Variants in CSMD1 observed in about 807,000 individuals in gnomAD.
The protein encoded by CSMD1 is CUB and sushi domain-containing protein 1.
CSMD1 carries 213 observed loss-of-function variants against 417.5 expected under a neutral mutation model. The ratio of observed to expected loss-of-function variants is 0.51; its 90% CI spans 0.46 to 0.57. CSMD1 has a LOEUF of 0.57. Among genes scored for constraint, CSMD1 ranks in the 20% least tolerant of loss-of-function variants. The pLI is 0.00. For missense variants in CSMD1, 6,923 were observed against 4,529.7 expected, an observed-to-expected ratio of 1.53 and a Z score of -15.17; for synonymous variants, 2,862 against 1,736.8, an observed-to-expected ratio of 1.65 and a Z score of -16.11.
intron 5 of CSMD1, among the ~76,000 whole-genome samples, chr8:3,858,861 C>A (rs1325616202): frequency 5.3e-5 from 8 of 151,976 alleles, no homozygotes; most frequent in African/African-American, 1.9e-4. Context: ...GTAGAATGCT[C>A]CAGTAGGATC....
At chr8:3,096,732 G>C (rs1158549693) in intron 47 of CSMD1, 117 bp downstream of exon 47, 1 of 741,616 alleles carries the variant, frequency 1.3e-6, no homozygotes, top group Admixed American at 3.1e-5. Flanking sequence ...TGTTTGCTTT[G>C]GGAAAACATA....
chr8:3,832,907 A>T (rs980047297), intron 5 of CSMD1, among the ~76,000 whole-genome samples: 2 of 152,214 alleles, frequency 1.3e-5, no homozygotes, highest in Non-Finnish European at 2.9e-5. Flanking sequence ...TAAGCAACAC[A>T]AATAGGAGTA....
At chr8:4,424,453 G>C (rs1797429628) in intron 2 of CSMD1, among the ~76,000 whole-genome samples, 1 of 151,906 alleles carries the variant, frequency 6.6e-6, no homozygotes, top group Non-Finnish European at 1.5e-5. Context: ...TACATCAATA[G>C]ACATCAGAGG....
At chr8:3,317,799 T>G (rs766842833) in intron 23 of CSMD1, among the ~76,000 whole-genome samples, 2 of 152,232 alleles carry the variant, frequency 1.3e-5, no homozygotes, top group East Asian at 3.8e-4. Context: ...AAGTTGCTAC[T>G]GTATAAGTGA....
intron 4 of CSMD1, among the ~76,000 whole-genome samples, chr8:4,000,397 G>C (rs1037270916): frequency 2.0e-5 from 3 of 152,144 alleles, no homozygotes; most frequent in Non-Finnish European, 4.4e-5. Context: ...TTGTATTTTT[G>C]AACAGAGATA....
intron 10 of CSMD1, among the ~76,000 whole-genome samples, chr8:3,545,422 T>G (rs1798616420): frequency 6.6e-6 from 1 of 152,180 alleles, no homozygotes; most frequent in South Asian, 2.1e-4. Context: ...TGGTCCAAGG[T>G]GGCCATTTCT....
chr8:4,760,025 C>G (rs955592632), intron 1 of CSMD1, among the ~76,000 whole-genome samples: 1 of 152,164 alleles, frequency 6.6e-6, no homozygotes, highest in African/African-American at 2.4e-5. Context: ...TTACATTCCA[C>G]CAACAGTGTA....
chr8:4,342,221 G>GTGTGTGTGTCTGTGTC (rs1800519017), intron 3 of CSMD1, among the ~76,000 whole-genome samples: 1 of 12,340 alleles, frequency 8.1e-5, no homozygotes, highest in Non-Finnish European at 1.8e-4. Context: ...GTGTGTGTGT[G>GTGTGTGTGTCTGTGTC]TGTGTGTGTG....
chr8:3,410,511 C>T (rs980367141), intron 12 of CSMD1, among the ~76,000 whole-genome samples: 1 of 152,140 alleles, frequency 6.6e-6, no homozygotes, highest in East Asian at 1.9e-4. Context: ...TGATGGTTTT[C>T]TAAGGGGGAG....
chr8:4,631,514 G>A (rs1802515074), intron 2 of CSMD1, among the ~76,000 whole-genome samples: 1 of 151,132 alleles, frequency 6.6e-6, no homozygotes, highest in Admixed American at 6.6e-5. Context: ...AGTCTAATAT[G>A]ATCCTAATGT....
At chr8:4,006,647 A>G (rs1267473006) in intron 4 of CSMD1, among the ~76,000 whole-genome samples, 1 of 152,206 alleles carries the variant, frequency 6.6e-6, no homozygotes, top group Non-Finnish European at 1.5e-5. Flanking sequence ...GAGAGGGAAC[A>G]GCACTTGTTT....
intron 5 of CSMD1, among the ~76,000 whole-genome samples, chr8:3,934,920 G>T (rs1810380625): frequency 6.6e-6 from 1 of 152,094 alleles, no homozygotes; most frequent in African/African-American, 2.4e-5. Flanking sequence ...AACATTATAA[G>T]TACGGGAGTA....
At chr8:3,839,415 T>C (rs1487057639) in intron 5 of CSMD1, among the ~76,000 whole-genome samples, 1 of 53,206 alleles carries the variant, frequency 1.9e-5, no homozygotes, top group Non-Finnish European at 4.0e-5. Context: ...TAATAAAAAA[T>C]AAATATATAT....
At chr8:4,410,952 A>T (rs1412030045) in intron 3 of CSMD1, among the ~76,000 whole-genome samples, 1 of 152,176 alleles carries the variant, frequency 6.6e-6, no homozygotes, top group East Asian at 1.9e-4. Flanking sequence ...TAGTGGGACT[A>T]GGTTAGTTAT....
At chr8:4,597,290 T>G (rs549077160) in intron 2 of CSMD1, among the ~76,000 whole-genome samples, 1 of 152,142 alleles carries the variant, frequency 6.6e-6, no homozygotes, top group Non-Finnish European at 1.5e-5. Context: ...TAGATATCAA[T>G]GTATTAACTT....
At chr8:4,731,382 C>G (rs956760520) in intron 1 of CSMD1, among the ~76,000 whole-genome samples, 6 of 152,096 alleles carry the variant, frequency 3.9e-5, no homozygotes, top group African/African-American at 7.2e-5. Flanking sequence ...GTGACACATT[C>G]CCCCACCTGT....
intron 5 of CSMD1, among the ~76,000 whole-genome samples, chr8:3,861,768 A>C (rs1171898627): frequency 5.3e-5 from 8 of 152,210 alleles, no homozygotes; most frequent in Non-Finnish European, 1.2e-4. Context: ...TAACTTTTCT[A>C]CTGGCCCACT....
chr8:4,960,108 T>A (rs1809380082), intron 1 of CSMD1, among the ~76,000 whole-genome samples: 1 of 152,144 alleles, frequency 6.6e-6, no homozygotes, highest in Non-Finnish European at 1.5e-5. Context: ...TGAATACATT[T>A]TTAGGAGGGA....
At chr8:4,791,141 G>A (rs760224942) in intron 1 of CSMD1, among the ~76,000 whole-genome samples, 5 of 152,078 alleles carry the variant, frequency 3.3e-5, no homozygotes, top group Non-Finnish European at 5.9e-5. Flanking sequence ...ACTTTTAAGT[G>A]AGACAAGAAA....
Sources: gnomAD v4.1 joint callset for allele counts (sites outside exome capture counted in the v4.1 genomes callset) on GRCh38, gnomAD v4.1.1 for gene constraint, MANE v1.5 for transcripts, NCBI Gene and HGNC (gene_info 2026-07-23, HGNC 2026-07-21) for gene names.